Variants in PTPRN2 observed in about 807,000 individuals in gnomAD.
PTPRN2 encodes the protein protein tyrosine phosphatase receptor type N2, also known as receptor-type tyrosine-protein phosphatase N2.
In PTPRN2, 74 loss-of-function variants were observed where a neutral mutation model predicts 118.8. The ratio of observed to expected loss-of-function variants is 0.62; its 90% CI spans 0.52 to 0.76. PTPRN2 has a LOEUF of 0.76. Among genes scored for constraint, PTPRN2 ranks in the 30% least tolerant of loss-of-function variants. The pLI is 0.00. For missense variants in PTPRN2, 1,481 were observed against 1,394.4 expected (o/e 1.06, Z -0.99); for synonymous variants, 641 against 608.0 (o/e 1.05, Z -0.80).
In PTPRN2 at chr7:157,753,535, G is replaced by A. The variant is rs1032526648; in HGVS notation, c.1789-70598C>T. Among the ~76,000 whole-genome samples, 3 of 152,262 alleles carry A rather than the reference G, an allele frequency of 2.0e-5. No individual in the cohort carries two copies. In the South Asian group the frequency reaches 6.2e-4, roughly 32 times the overall value. On this transcript the variant is annotated intron_variant, in intron 12 of 22. Coordinates refer to ENST00000389418, the MANE Select transcript of PTPRN2 (RefSeq NM_002847.5). ...AGCCCTAGTGGCCTCCGTCTGGGCC[G>A]CAGCTCACAGCATGGCAGTGACCCT...
intron 4 of PTPRN2, among the ~76,000 whole-genome samples, chr7:158,193,056 C>T (rs150187480): frequency 1.4e-3 from 207 of 152,364 alleles, no homozygotes; most frequent in Middle Eastern, 0.01. Flanking sequence ...TCAGCCCCTC[C>T]GCTGCAGTCC....
intron 2 of PTPRN2, among the ~76,000 whole-genome samples, chr7:158,355,513 GCAA>G (rs1808314983): frequency 6.6e-6 from 1 of 152,244 alleles, no homozygotes; most frequent in Non-Finnish European, 1.5e-5. Flanking sequence ...CTGAGGAAAT[GCAA>G]CTGCAGTGCA....
chr7:158,289,831 C>A (rs952789447), intron 3 of PTPRN2, among the ~76,000 whole-genome samples: 1 of 152,072 alleles, frequency 6.6e-6, no homozygotes, highest in Non-Finnish European at 1.5e-5. Context: ...TGGGTAAGCC[C>A]TTCATCAATA....
chr7:158,503,384 G>C (rs1421570974), intron 1 of PTPRN2, among the ~76,000 whole-genome samples: 2 of 152,220 alleles, frequency 1.3e-5, no homozygotes, highest in East Asian at 1.9e-4. Context: ...TTAATCAACA[G>C]GTCCTTGATG....
intron 6 of PTPRN2, among the ~76,000 whole-genome samples, chr7:158,165,789 T>C (rs1822910704): frequency 6.6e-6 from 1 of 152,196 alleles, no homozygotes; most frequent in Non-Finnish European, 1.5e-5. Context: ...ACCTTCTCCA[T>C]ATCACAAAGA....
chr7:157,657,337 A>T lies in PTPRN2; in HGVS notation c.2002-786T>A, dbSNP rs111162896. On this transcript the variant is annotated intron_variant, in intron 13 of 22. Coordinates refer to ENST00000389418, the MANE Select transcript of PTPRN2 (RefSeq NM_002847.5). Reference sequence around the variant, plus strand: ...CCACACACATCACACATATACACACACATACACCACACACACCACACACAT... The same window carrying T: ...CCACACACATCACACATATACACACTCATACACCACACACACCACACACAT... 1.4e-3 allele frequency among the ~76,000 whole-genome samples: 194 copies of T among 133,946 alleles called. 1 individual carries two copies. Among genetic ancestry groups the T allele is most frequent in the African/African-American group, 5.6e-3 (186 of 32,996 alleles). The allele number at this position is 133,946 out of a possible 152,430, so 87.9% of individuals were successfully genotyped here. A position where few individuals can be genotyped will look rare whatever the true frequency, so the allele number is the denominator to read the frequency against.
At chr7:158,321,984 C>T (rs1344943255) in intron 2 of PTPRN2, among the ~76,000 whole-genome samples, 3 of 152,252 alleles carry the variant, frequency 2.0e-5, no homozygotes, top group Admixed American at 1.3e-4. Flanking sequence ...GCCTAACCCC[C>T]AGGTGCTCCT....
intron 2 of PTPRN2, among the ~76,000 whole-genome samples, chr7:158,395,830 T>G (rs1812437984): frequency 6.8e-6 from 1 of 147,886 alleles, no homozygotes; most frequent in Admixed American, 6.9e-5. Context: ...GCTCCCGGCC[T>G]GCGCCGCCTT....
At position 157,550,279 on chromosome 7, in the gene PTPRN2, A is replaced by C. The variant is rs1798528828; in HGVS notation, c.2903-1260T>G. Among the ~76,000 whole-genome samples, 1 of 151,136 alleles carries C rather than the reference A, an allele frequency of 6.6e-6. No individual in the cohort carries two copies. The highest frequency in any genetic ancestry group is 2.4e-5 in the African/African-American group (1 of 41,254). On this transcript the variant is annotated intron_variant, in intron 21 of 22. Coordinates refer to ENST00000389418, the MANE Select transcript of PTPRN2 (RefSeq NM_002847.5). This position sits in a 1 kb window ranked among gnomAD's most constrained non-coding sequence, Gnocchi z 5.2. ...AGGAGGATCATCCCAGCAGGGTAGC[A>C]GGTGCCTGCGAAGCACCTCCAAGTC...
At chr7:158,336,438 T>C (rs1224104781) in intron 2 of PTPRN2, among the ~76,000 whole-genome samples, 10 of 100,218 alleles carry the variant, frequency 1.0e-4, no homozygotes, top group African/African-American at 3.1e-4. Context: ...CAGACGTCAC[T>C]CACACCCACA....
chr7:158,143,425 C>T (rs942839571), intron 6 of PTPRN2, among the ~76,000 whole-genome samples: 6 of 152,192 alleles, frequency 3.9e-5, no homozygotes, highest in Admixed American at 6.5e-5. Flanking sequence ...CGGCGTCCTC[C>T]GTGCTTAGGA....
At position 158,296,960 on chromosome 7, in the gene PTPRN2, G is replaced by A. The variant is rs144386767; in HGVS notation, c.277+19859C>T. Among the ~76,000 whole-genome samples the A allele has an allele frequency of 3.7e-3, 560 of 152,316 alleles. 1 individual carries two copies. The highest frequency in any genetic ancestry group is 0.013 in the African/African-American group (536 of 41,576). On this transcript the variant is annotated intron_variant, in intron 3 of 22. Transcript: ENST00000389418. ...CTAAGGGAGGTGGAGCTTGGGTGGT[G>A]GAGCAGTTGGGGTGGTGGGGCAGGA...
At position 158,476,428 on chromosome 7, in the gene PTPRN2, A is replaced by G. The variant is rs145473915; in HGVS notation, c.163+13307T>C. 7.0e-4 allele frequency among the ~76,000 whole-genome samples: 106 copies of G among 152,390 alleles called. 1 individual carries two copies. The highest frequency in any genetic ancestry group is 5.6e-3 in the South Asian group (27 of 4,834). ...CGCCGATGCGCACAGCTGTCCCAAC[A>G]CAAGACAGCAGGGCCATCCGTTGCC... On this transcript the variant is annotated intron_variant, in intron 2 of 22. Coordinates refer to ENST00000389418, the MANE Select transcript of PTPRN2 (RefSeq NM_002847.5).
intron 17 of PTPRN2, among the ~76,000 whole-genome samples, chr7:157,584,288 C>T (rs1399959269): frequency 6.6e-6 from 1 of 152,136 alleles, no homozygotes; most frequent in Non-Finnish European, 1.5e-5. Flanking sequence ...GTCTTTAGCC[C>T]GTATGTCTTT....
chr7:157,922,282 C>T (rs545001919), intron 11 of PTPRN2, among the ~76,000 whole-genome samples: 12 of 152,192 alleles, frequency 7.9e-5, no homozygotes, highest in African/African-American at 2.4e-4. Context: ...TACTGGGTGA[C>T]GGGGCCAAGG....
intron 14 of PTPRN2, among the ~76,000 whole-genome samples, chr7:157,644,809 A>C (rs534121111): frequency 4.0e-4 from 52 of 130,558 alleles, no homozygotes; most frequent in African/African-American, 1.3e-3. Flanking sequence ...AAACAAAAAA[A>C]AAAAAACAAA....
At chr7:158,247,366 C>T (rs966185565) in intron 3 of PTPRN2, among the ~76,000 whole-genome samples, 11 of 152,192 alleles carry the variant, frequency 7.2e-5, no homozygotes, top group Non-Finnish European at 1.5e-4. Context: ...GAGGAGGGCG[C>T]TCTTGACCGT....
chr7:158,316,871 C>A lies in PTPRN2; in HGVS notation c.225G>T (p.Ser75=), dbSNP rs376455829. 1 of 1,611,844 alleles carries A rather than the reference C, an allele frequency of 6.2e-7. No individual in the cohort carries two copies. Among genetic ancestry groups the A allele is most frequent in the East Asian group, 2.2e-5 (1 of 44,874 alleles). ...PAMDFYRYEV[S]PVALQRLRVA... is the part of the protein sequence containing the mutation. ...CGCGCAGGCGCTGCAGGGCCACGGG[C>A]GACACCTCGTAGCGGTAAAAGTCCA... Residue 75 remains serine (S), a synonymous_variant, in exon 3 of 23, where the codon TCG becomes TCT. Coordinates refer to ENST00000389418, the MANE Select transcript of PTPRN2 (RefSeq NM_002847.5).
rs1335779228 is a variant in PTPRN2 at position 158,262,955 on chromosome 7, TACAC to T, written c.277+53860_277+53863del. ...CACTGCACACACACATTCACACACATACACACATTCACACACTGCACACATACAG... is the reference window on the plus strand; with the variant it reads ...CACTGCACACACACATTCACACACATACATTCACACACTGCACACATACAG... On this transcript the variant is annotated intron_variant, in intron 3 of 22. Transcript: ENST00000389418. 8.8e-4 allele frequency among the ~76,000 whole-genome samples: 103 copies of T among 117,476 alleles called. 1 individual carries two copies. The East Asian group carries it at 0.019, about 22-fold the overall frequency. The allele number at this position is 117,476 out of a possible 152,430, so 77.1% of individuals were successfully genotyped here.
Sources: gnomAD v4.1 joint callset for allele counts (sites outside exome capture counted in the v4.1 genomes callset) on GRCh38, gnomAD v4.1.1 for gene constraint, Gnocchi (gnomAD v3.1) non-coding constraint, MANE v1.5 for transcripts, NCBI Gene and HGNC (gene_info 2026-07-23, HGNC 2026-07-21) for gene names.